The following NR3C2 variants were observed in gnomAD, a reference collection of about 807,000 sequenced individuals.
NR3C2 encodes the protein mineralocorticoid receptor.
In NR3C2, 15 loss-of-function variants were observed where a neutral mutation model predicts 86.4. The observed-to-expected ratio is 0.17, with a 90% CI of 0.12 to 0.27. The LOEUF is 0.27. Among genes scored for constraint, NR3C2 ranks in the 10% least tolerant of loss-of-function variants. The pLI is 1.00. For missense variants in NR3C2, 960 were observed against 1,195.6 expected, an observed-to-expected ratio of 0.80 and a Z score of 2.91; for synonymous variants, 458 against 450.5, an observed-to-expected ratio of 1.02 and a Z score of -0.21.
chr4:148,129,655 G>A (rs1449121823), intron 6 of NR3C2, among the ~76,000 whole-genome samples: 1 of 152,098 alleles, frequency 6.6e-6, no homozygotes, highest in Middle Eastern at 3.2e-3. Flanking sequence ...GAGTGCAGTG[G>A]CACGATCTCG....
chr4:148,396,183 C>T (rs1747850043), intron 2 of NR3C2, among the ~76,000 whole-genome samples: 1 of 152,088 alleles, frequency 6.6e-6, no homozygotes, highest in East Asian at 1.9e-4. Context: ...TGGAATAATC[C>T]CAACACCAAA....
intron 6 of NR3C2, among the ~76,000 whole-genome samples, chr4:148,141,770 C>G (rs1336049151): frequency 6.6e-6 from 1 of 152,130 alleles, no homozygotes; most frequent in Non-Finnish European, 1.5e-5. Context: ...ACTGCGAACC[C>G]TAGCTGAACT....
At chr4:148,169,750 G>T (rs983775939) in intron 4 of NR3C2, among the ~76,000 whole-genome samples, 1 of 152,166 alleles carries the variant, frequency 6.6e-6, no homozygotes, top group Non-Finnish European at 1.5e-5. Context: ...CTCAAACTCT[G>T]GTCAATGGGT....
rs886833777 is a variant in NR3C2 at position 148,321,890 on chromosome 4, T to C, written c.1758-61773A>G. ...TTAGTCCATTTACATTTAAAGTTAATATTGTTATGTGTGAATTTGATCCTG... is the reference window on the plus strand; with the variant it reads ...TTAGTCCATTTACATTTAAAGTTAACATTGTTATGTGTGAATTTGATCCTG... On this transcript the variant is annotated intron_variant, in intron 2 of 8. Coordinates refer to ENST00000358102, the MANE Select transcript of NR3C2 (RefSeq NM_000901.5). Among the ~76,000 whole-genome samples, 86 of 152,328 alleles carry C rather than the reference T, an allele frequency of 5.6e-4. 1 individual carries two copies. The highest frequency in any genetic ancestry group is 1.9e-3 in the African/African-American group (78 of 41,578).
intron 6 of NR3C2, among the ~76,000 whole-genome samples, chr4:148,144,990 CA>C (rs1339727752): frequency 6.6e-6 from 1 of 152,192 alleles, no homozygotes; most frequent in Non-Finnish European, 1.5e-5. Context: ...AGGTCCCTCT[CA>C]CTGCCACCAG....
chr4:148,410,556 TAAATCA>T (rs908263017), intron 2 of NR3C2, among the ~76,000 whole-genome samples: 5 of 152,180 alleles, frequency 3.3e-5, no homozygotes, highest in African/African-American at 1.2e-4. Context: ...TGCAGAAGCT[TAAATCA>T]AAGTTTAAAA....
intron 6 of NR3C2, among the ~76,000 whole-genome samples, chr4:148,137,109 A>G (rs1000642038): frequency 3.3e-5 from 5 of 152,080 alleles, no homozygotes; most frequent in Non-Finnish European, 7.4e-5. Flanking sequence ...TCTTTTTTGA[A>G]CACATTCTAA....
In NR3C2 at chr4:148,402,732, G is replaced by A. The variant is rs543573692; in HGVS notation, c.1757+32372C>T. Among the ~76,000 whole-genome samples, 658 of 152,142 alleles carry A rather than the reference G, an allele frequency of 4.3e-3. 2 individuals are homozygous for A. The highest frequency in any genetic ancestry group is 0.015 in the African/African-American group (630 of 41,516). ...AGGCATTCAATAAATATTATATGAGGCAAGAAATGCCTCAATTTTATTTAA... is the reference window on the plus strand; with the variant it reads ...AGGCATTCAATAAATATTATATGAGACAAGAAATGCCTCAATTTTATTTAA... On this transcript the variant is annotated intron_variant, in intron 2 of 8. Coordinates refer to ENST00000358102, the MANE Select transcript of NR3C2 (RefSeq NM_000901.5).
intron 6 of NR3C2, among the ~76,000 whole-genome samples, chr4:148,133,618 G>C (rs535982891): frequency 2.0e-5 from 3 of 152,316 alleles, no homozygotes; most frequent in Admixed American, 2.0e-4. Flanking sequence ...ACAACTCATG[G>C]GGTCATATTC....
chr4:148,199,695 A>G (rs1227829557), intron 3 of NR3C2, among the ~76,000 whole-genome samples: 2 of 152,202 alleles, frequency 1.3e-5, no homozygotes, highest in Non-Finnish European at 2.9e-5. Context: ...AGGATTTAAC[A>G]TATGTTCCCA....
At chr4:148,159,607 G>C (rs901884069) in intron 4 of NR3C2, among the ~76,000 whole-genome samples, 3 of 152,136 alleles carry the variant, frequency 2.0e-5, no homozygotes, top group Non-Finnish European at 2.9e-5. Flanking sequence ...TAAATACCAG[G>C]GTGAGGATTT....
At chr4:148,351,185 A>C (rs1034064093) in intron 2 of NR3C2, among the ~76,000 whole-genome samples, 5 of 152,088 alleles carry the variant, frequency 3.3e-5, no homozygotes, top group Admixed American at 6.6e-5. Flanking sequence ...TTGCTCTCTC[A>C]CCCAGGCTAG....
intron 2 of NR3C2, among the ~76,000 whole-genome samples, chr4:148,427,175 A>T (rs1177716909): frequency 6.6e-6 from 1 of 151,834 alleles, no homozygotes; most frequent in South Asian, 2.1e-4. Context: ...GGCTGGTCTC[A>T]AACTCCTGGC....
intron 2 of NR3C2, among the ~76,000 whole-genome samples, chr4:148,278,886 G>C (rs954095696): frequency 6.6e-6 from 1 of 152,048 alleles, no homozygotes; most frequent in Admixed American, 6.6e-5. Context: ...AAAGTGGCTG[G>C]GCATGGTGGC....
intron 3 of NR3C2, among the ~76,000 whole-genome samples, chr4:148,225,878 C>A (rs1193139138): frequency 1.3e-5 from 2 of 152,146 alleles, no homozygotes; most frequent in Non-Finnish European, 2.9e-5. Flanking sequence ...CTCACTGGGT[C>A]ATTTTTCCTC....
chr4:148,365,922 C>T (rs1746091468), intron 2 of NR3C2, among the ~76,000 whole-genome samples: 1 of 152,228 alleles, frequency 6.6e-6, no homozygotes, highest in African/African-American at 2.4e-5. Context: ...CAAAGCTCAC[C>T]AATTTATAAG....
chr4:148,444,222 A>T (rs1440121951), upstream of NR3C2: 63 of 955,314 alleles, frequency 6.6e-5, no homozygotes, highest in Non-Finnish European at 7.3e-5. Flanking sequence ...AAAGGAATGG[A>T]CGTGTCTCTT....
chr4:148,295,107 C>T (rs1741983977), intron 2 of NR3C2, among the ~76,000 whole-genome samples: 1 of 151,966 alleles, frequency 6.6e-6, no homozygotes, highest in Non-Finnish European at 1.5e-5. Context: ...GATATATCTA[C>T]CAAAATAATG....
intron 6 of NR3C2, among the ~76,000 whole-genome samples, chr4:148,148,629 C>T (rs1027523465): frequency 2.6e-5 from 4 of 152,298 alleles, no homozygotes; most frequent in Non-Finnish European, 4.4e-5. Context: ...ACATGCTGGT[C>T]TCTCAGGCTA....
Sources: gnomAD v4.1 joint callset for allele counts (sites outside exome capture counted in the v4.1 genomes callset) on GRCh38, gnomAD v4.1.1 for gene constraint, MANE v1.5 for transcripts, NCBI Gene and HGNC (gene_info 2026-07-23, HGNC 2026-07-21) for gene names.